Variants in EPHA3 observed in about 807,000 individuals in gnomAD.
EPHA3 encodes the protein ephrin type-A receptor 3.
EPHA3 carries 42 observed loss-of-function variants against 107.1 expected under a neutral mutation model. That is an observed-to-expected ratio of 0.39 (90% CI 0.31 to 0.51). The LOEUF (loss-of-function observed/expected upper bound fraction) is 0.51, where lower values mean the gene tolerates loss of function less well. Ranked by LOEUF, EPHA3 falls within the 20% of genes least tolerant of loss-of-function variation. EPHA3 has a pLI of 0.78. For synonymous variants in EPHA3, 461 were observed against 424.8 expected (o/e 1.09, Z -1.05); for missense variants, 1,183 against 1,211.2 (o/e 0.98, Z 0.35).
chr3:89,414,570 T>G (rs1048703122), intron 10 of EPHA3, among the ~76,000 whole-genome samples: 1 of 151,626 alleles, frequency 6.6e-6, no homozygotes, highest in African/African-American at 2.4e-5. Flanking sequence ...GAGTGCACTT[T>G]TCTCCAGCAC....
At chr3:89,217,637 A>C (rs1704250783) in intron 3 of EPHA3, among the ~76,000 whole-genome samples, 1 of 152,206 alleles carries the variant, frequency 6.6e-6, no homozygotes, top group Non-Finnish European at 1.5e-5. Flanking sequence ...TATTATTAAA[A>C]ATAAACAAAT....
At chr3:89,366,044 G>C (rs781000124) in intron 5 of EPHA3, among the ~76,000 whole-genome samples, 2 of 150,684 alleles carry the variant, frequency 1.3e-5, no homozygotes. Context: ...ACACACTAAT[G>C]ATAGCCCAAA....
chr3:89,323,985 T>G (rs1707102046), intron 3 of EPHA3, among the ~76,000 whole-genome samples: 1 of 151,844 alleles, frequency 6.6e-6, no homozygotes, highest in Non-Finnish European at 1.5e-5. Context: ...ATACTATAAA[T>G]ACCACACGAT....
chr3:89,314,035 T>C (rs909509634), intron 3 of EPHA3, among the ~76,000 whole-genome samples: 1 of 151,978 alleles, frequency 6.6e-6, no homozygotes, highest in Non-Finnish European at 1.5e-5. Flanking sequence ...ATTAATGTTG[T>C]GTAATACTTT....
intron 3 of EPHA3, among the ~76,000 whole-genome samples, chr3:89,313,120 G>C (rs1197539479): frequency 6.6e-6 from 1 of 151,682 alleles, no homozygotes; most frequent in Admixed American, 6.6e-5. Flanking sequence ...TATTTTCCTT[G>C]AATCCGTTTT....
rs116716116 is a variant in EPHA3, at chr3:89,423,246, C to A, written c.2074+3856C>A. On this transcript the variant is annotated intron_variant, in intron 11 of 16. Coordinates refer to ENST00000336596, the MANE Select transcript of EPHA3 (RefSeq NM_005233.6). ...TTATTGAGGAATGTCATGGGCAGAA[C>A]GTTAAGATGATTTTCATAATTAAAA... Among the ~76,000 whole-genome samples, 1,465 of 151,348 alleles carry A rather than the reference C, an allele frequency of 9.7e-3. 25 individuals are homozygous for A. Among genetic ancestry groups the A allele is most frequent in the African/African-American group, 0.034 (1,403 of 41,360 alleles).
chr3:89,308,896 G>T (rs1576303108), intron 3 of EPHA3, among the ~76,000 whole-genome samples: 1 of 152,246 alleles, frequency 6.6e-6, no homozygotes, highest in South Asian at 2.1e-4. Context: ...GATTCAGGAA[G>T]ATATTCAGTC....
At chr3:89,116,391 G>C (rs1462179465) in intron 1 of EPHA3, among the ~76,000 whole-genome samples, 1 of 152,084 alleles carries the variant, frequency 6.6e-6, no homozygotes, top group African/African-American at 2.4e-5. Context: ...AGTCTCTGTG[G>C]AAATTTCCCC....
At chr3:89,479,262 C>A in intron 16 of EPHA3, 135 bp from the exon 17 acceptor site, 1 of 706,672 alleles carries the variant, frequency 1.4e-6, no homozygotes, top group Non-Finnish European at 2.5e-6. Flanking sequence ...CCGGACATAA[C>A]ACAGATGATG....
At chr3:89,114,495 G>A (rs1416151250) in intron 1 of EPHA3, among the ~76,000 whole-genome samples, 2 of 152,168 alleles carry the variant, frequency 1.3e-5, no homozygotes, top group African/African-American at 4.8e-5. Context: ...CCGGGTGCGC[G>A]TAACGCAGTC....
chr3:89,449,443 T>C lies in EPHA3; in HGVS notation c.2496+69T>C, dbSNP rs556617300. On this transcript the variant is annotated intron_variant, in intron 14 of 16. Transcript: ENST00000336596. ...TCAAGCTGTGCAAGGAAGTGGAACA[T>C]AATGTAACTGGGTGGCTCCTGGTTT... The C allele has an allele frequency of 1.2e-4, 166 of 1,371,614 alleles. No homozygotes were observed. The South Asian group carries it at 3.1e-3, about 26-fold the overall frequency. 85.0% of individuals were successfully genotyped at this position (1,371,614 alleles called of 1,614,324 possible). A position where few individuals can be genotyped will look rare whatever the true frequency, so the allele number is the denominator to read the frequency against.
At chr3:89,170,881 T>C (rs1277193811) in intron 2 of EPHA3, among the ~76,000 whole-genome samples, 1 of 152,084 alleles carries the variant, frequency 6.6e-6, no homozygotes, top group Middle Eastern at 3.2e-3. Flanking sequence ...TCTGGTCTAG[T>C]GGATCGTTAA....
intron 15 of EPHA3, among the ~76,000 whole-genome samples, chr3:89,452,293 T>C (rs1425878480): frequency 6.6e-6 from 1 of 152,312 alleles, no homozygotes; most frequent in Middle Eastern, 3.4e-3. Context: ...CATTTTTCCA[T>C]ATGGCTGTTC....
intron 3 of EPHA3, among the ~76,000 whole-genome samples, chr3:89,304,031 T>C (rs775619884): frequency 1.6e-4 from 24 of 152,272 alleles, no homozygotes; most frequent in Admixed American, 1.2e-3. Context: ...CATTTTCTTC[T>C]ACACTGGCAA....
chr3:89,441,949 C>T (rs1709794311), intron 13 of EPHA3, among the ~76,000 whole-genome samples: 1 of 151,672 alleles, frequency 6.6e-6, no homozygotes, highest in Admixed American at 6.6e-5. Flanking sequence ...GACTCTTATT[C>T]GTGTCTCTCT....
intron 3 of EPHA3, among the ~76,000 whole-genome samples, chr3:89,269,195 A>C (rs1208295021): frequency 6.6e-6 from 1 of 152,152 alleles, no homozygotes; most frequent in East Asian, 1.9e-4. Context: ...ACCTCAAAAC[A>C]ACTTATGAAG....
intron 3 of EPHA3, among the ~76,000 whole-genome samples, chr3:89,307,090 G>A (rs539836696): frequency 2.6e-5 from 4 of 152,262 alleles, no homozygotes; most frequent in African/African-American, 9.6e-5. Context: ...GTTTCAGGAA[G>A]TTTGATAAAT....
At chr3:89,411,554 C>T (rs1378578245) in intron 9 of EPHA3, among the ~76,000 whole-genome samples, 1 of 151,900 alleles carries the variant, frequency 6.6e-6, no homozygotes, top group Admixed American at 6.6e-5. Context: ...TCTCTCTCAG[C>T]CACCATTTCT....
chr3:89,286,022 A>C (rs1201339074), intron 3 of EPHA3, among the ~76,000 whole-genome samples: 1 of 151,938 alleles, frequency 6.6e-6, no homozygotes, highest in Non-Finnish European at 1.5e-5. Flanking sequence ...CAGTCCCTTG[A>C]TACTGTCTGG....
Sources: gnomAD v4.1 joint callset for allele counts (sites outside exome capture counted in the v4.1 genomes callset) on GRCh38, gnomAD v4.1.1 for gene constraint, MANE v1.5 for transcripts, NCBI Gene and HGNC (gene_info 2026-07-23, HGNC 2026-07-21) for gene names.